C9orf72: variants seen among roughly 807,000 people sequenced by gnomAD.
C9orf72 encodes the protein C9orf72-SMCR8 complex subunit.
C9orf72 carries 44 observed loss-of-function variants against 51.6 expected under a neutral mutation model. The observed-to-expected ratio is 0.85, with a 90% CI of 0.67 to 1.10. The LOEUF (loss-of-function observed/expected upper bound fraction) is 1.10. Among genes scored for constraint, C9orf72 ranks in the 50% least tolerant of loss-of-function variants. C9orf72 has a pLI of 0.00. For missense variants in C9orf72, 607 were observed against 570.6 expected, an observed-to-expected ratio of 1.06 and a Z score of -0.65; for synonymous variants, 213 against 194.2, an observed-to-expected ratio of 1.10 and a Z score of -0.81.
chr9:27,557,658 G>A (rs1324680247), intron 7 of C9orf72, among the ~76,000 whole-genome samples: 14 of 151,974 alleles, frequency 9.2e-5, no homozygotes, highest in Admixed American at 9.2e-4. Context: ...GCCTTTAACA[G>A]GAGAAGTTCT....
At chr9:27,560,169 A>G (rs1819303860) in intron 6 of C9orf72, 58 bp downstream of exon 6, 2 of 1,129,450 alleles carry the variant, frequency 1.8e-6, no homozygotes, top group East Asian at 2.5e-5. Context: ...ATGACAATCC[A>G]TGATATATCA....
At chr9:27,549,287 T>C (rs550608727) in intron 9 of C9orf72, among the ~76,000 whole-genome samples, 10 of 152,348 alleles carry the variant, frequency 6.6e-5, no homozygotes, top group African/African-American at 2.2e-4. Flanking sequence ...TCTGCCCAAA[T>C]CTTCAAATAA....
Position 27,565,584 on chromosome 9 carries a change from G to C in C9orf72, c.451C>G (p.Gln151Glu). The C allele has an allele frequency of 1.3e-6, 2 of 1,599,960 alleles. No homozygotes were observed. Among genetic ancestry groups the C allele is most frequent in the South Asian group, 1.1e-5 (1 of 90,522 alleles). Reference sequence around the variant, plus strand: ...AAGATAATCTTCTGGACATTTTCTTGTCTTTCCTGAGCAAGAGAAAATTTA... The same window carrying C: ...AAGATAATCTTCTGGACATTTTCTTCTCTTTCCTGAGCAAGAGAAAATTTA... ...KGRIWMHKER[Q>E]ENVQKIILEG... The change falls in exon 3 of 11, where the codon CAA becomes GAA. Residue 151 changes from glutamine to glutamate, a missense_variant. Coordinates refer to ENST00000380003, the MANE Select transcript of C9orf72 (RefSeq NM_018325.5).
intron 3 of C9orf72, among the ~76,000 whole-genome samples, chr9:27,563,061 T>C (rs929402470): frequency 1.3e-5 from 2 of 152,162 alleles, no homozygotes; most frequent in Admixed American, 6.5e-5. Flanking sequence ...CATCAATATA[T>C]TTCATATTTA....
intron 3 of C9orf72, among the ~76,000 whole-genome samples, chr9:27,564,415 C>T (rs886235030): frequency 7.2e-5 from 11 of 152,090 alleles, no homozygotes; most frequent in East Asian, 1.9e-4. Flanking sequence ...CCTCAACTTG[C>T]GATAAGTTTA....
chr9:27,561,310 A>C, intron 5 of C9orf72: 1 of 1,203,928 alleles, frequency 8.3e-7, no homozygotes, highest in African/African-American at 1.6e-5. Flanking sequence ...CTTTAATGAG[A>C]AGTAAAACAA....
rs1258722162 is a variant in C9orf72 at position 27,547,784 on chromosome 9, T to C, written c.*452A>G. The C allele has an allele frequency of 6.5e-6, 1 of 152,734 alleles. No individual in the cohort carries two copies. Among genetic ancestry groups the C allele is most frequent in the East Asian group, 1.9e-4 (1 of 5,206 alleles). The allele number at this position is 152,734 out of a possible 1,614,324, so 9.5% of individuals were successfully genotyped here. On this transcript the variant is annotated 3_prime_UTR_variant, in exon 11 of 11. Transcript: ENST00000380003. ...TTCTTTCTGTGGAATTGAAATCATT[T>C]AAAGGCTCTAGTTTTCAGTTGATTG...
chr9:27,556,169 T>A (rs1819189974), intron 8 of C9orf72, among the ~76,000 whole-genome samples: 1 of 152,148 alleles, frequency 6.6e-6, no homozygotes, highest in South Asian at 2.1e-4. Context: ...AAAAAAAGAC[T>A]TAGAATTACT....
intron 6 of C9orf72, 31 bp from the exon 7 acceptor site, chr9:27,558,638 A>G: frequency 8.3e-7 from 1 of 1,206,612 alleles, no homozygotes; most frequent in Non-Finnish European, 1.2e-6. Context: ...GCATTAAAAC[A>G]TGAAGTAAAA....
At chr9:27,563,939 T>A (rs1819408875) in intron 3 of C9orf72, among the ~76,000 whole-genome samples, 1 of 152,090 alleles carries the variant, frequency 6.6e-6, no homozygotes, top group Admixed American at 6.6e-5. Context: ...ACTGAAGTTG[T>A]TTCAAACTAA....
chr9:27,566,738 T>C lies in C9orf72; in HGVS notation c.383A>G (p.His128Arg). The C allele has an allele frequency of 1.2e-6, 2 of 1,613,830 alleles. No homozygotes were observed. The highest frequency in any genetic ancestry group is 1.7e-6 in the Non-Finnish European group (2 of 1,179,784). ...QTELSFYLPL[H>R]RVCVDRLTHI... is the part of the protein sequence containing the mutation. The stretch of plus-strand genomic sequence containing the variant: ...TGTTAATCTATCAACACACACTCTA[T>C]GAAGTGGGAGGTAGAAACTAAGTTC... Residue 128 changes from histidine (H) to arginine (R), a missense_variant, in exon 2 of 11, where the codon CAT becomes CGT. Physicochemically the swap from His to Arg is conservative, Grantham distance 29. Transcript: ENST00000380003.
chr9:27,558,985 G>A (rs765370405), intron 6 of C9orf72: 75 of 155,168 alleles, frequency 4.8e-4, no homozygotes, highest in Admixed American at 2.6e-4. Flanking sequence ...ATCAAAGAAT[G>A]TCCAGATCCT....
In C9orf72 at chr9:27,547,258, T is replaced by G. The variant is rs1820786760; in HGVS notation, c.*978A>C. The G allele has an allele frequency of 6.6e-6, 1 of 152,600 alleles. No homozygotes were observed. The highest frequency in any genetic ancestry group is 1.5e-5 in the Non-Finnish European group (1 of 68,020). The allele number at this position is 152,600 out of a possible 1,614,324, so 9.5% of individuals were successfully genotyped here. A position where few individuals can be genotyped will look rare whatever the true frequency, so the allele number is the denominator to read the frequency against. ...AGTACTCAAGGAACTATTTTCTGTT[T>G]CTGAAAAAAAGATCTTATTAGTTAG... On this transcript the variant is annotated 3_prime_UTR_variant, in exon 11 of 11. Transcript: ENST00000380003.
intron 1 of C9orf72, among the ~76,000 whole-genome samples, chr9:27,573,208 GCGC>G (rs546630378): frequency 4.0e-5 from 6 of 151,778 alleles, no homozygotes; most frequent in South Asian, 2.1e-4. Context: ...CCTTGTCCCT[GCGC>G]CGCCGCCGCC....
At chr9:27,561,153 G>C (rs1819337732) in intron 5 of C9orf72, 1 of 645,480 alleles carries the variant, frequency 1.5e-6, no homozygotes, top group Non-Finnish European at 1.9e-6. Flanking sequence ...ATTAATCCAG[G>C]GAGTCTGGTT....
In C9orf72 at chr9:27,554,453, C is replaced by G. The variant is rs115773090; in HGVS notation, c.1091+2108G>C. The G allele has an allele frequency of 5.7e-3, 2,242 of 396,008 alleles. 52 individuals are homozygous for G. The highest frequency in any genetic ancestry group is 0.042 in the African/African-American group (2,022 of 48,606). The allele number at this position is 396,008 out of a possible 1,614,324, so 24.5% of individuals were successfully genotyped here. ...GCTAAACACTGAGTATACATGGACA[C>G]AAAGAAGGAAACAGCAACACCAGGG... On this transcript the variant is annotated intron_variant, in intron 8 of 10. Coordinates refer to ENST00000380003, the MANE Select transcript of C9orf72 (RefSeq NM_018325.5).
At position 27,561,427 on chromosome 9, in the gene C9orf72, T is replaced by C. The variant is rs905558428; in HGVS notation, c.665+158A>G. On this transcript the variant is annotated intron_variant, in intron 5 of 10. Transcript: ENST00000380003. ...CAAATATATATAGAAATATAATGAG[T>C]GAAAAATAACACAAATTTAAGCAAC... is the stretch of plus-strand genomic sequence containing the variant. The C allele has an allele frequency of 8.5e-6, 12 of 1,408,484 alleles. No individual in the cohort carries two copies. The Admixed American group carries it at 2.9e-4, about 35-fold the overall frequency. 87.2% of individuals were successfully genotyped at this position (1,408,484 alleles called of 1,614,324 possible).
At chr9:27,570,127 T>A (rs1400781974) in intron 1 of C9orf72, among the ~76,000 whole-genome samples, 4 of 152,230 alleles carry the variant, frequency 2.6e-5, no homozygotes, top group African/African-American at 9.6e-5. Flanking sequence ...ATATGTTGTA[T>A]CAATTTAATA....
chr9:27,573,523 C>CGCCCCGGCCCCGGCCCGG (rs1819644458), upstream of C9orf72: 1 of 142,348 alleles, frequency 7.0e-6, no homozygotes, highest in Non-Finnish European at 1.6e-5. Context: ...GCCCCGACCA[C>CGCCCCGGCCCCGGCCCGG]GCCCCGGCCC....
Sources: allele counts gnomAD v4.1 joint callset (sites outside exome capture counted in the v4.1 genomes callset), GRCh38; gene constraint gnomAD v4.1.1; transcripts MANE v1.5; gene names NCBI Gene and HGNC (gene_info 2026-07-23, HGNC 2026-07-21).